Variants in GPN2 observed in about 807,000 individuals in gnomAD.
GPN2 encodes GPN-loop GTPase 2, also known as ATP-binding domain 1 family member B.
GPN2 carries 27 observed loss-of-function variants against 30.1 expected under a neutral mutation model. That is an observed-to-expected ratio of 0.90 (90% CI 0.66 to 1.24). The LOEUF is 1.24. Ranked by LOEUF, GPN2 falls within the 50% of genes most tolerant of loss-of-function variation. The probability of loss-of-function intolerance (pLI) is 0.00; values close to 1 mark genes in which losing one functional copy is unlikely to be tolerated. For missense variants in GPN2, 406 were observed against 405.4 expected (o/e 1.00, Z -0.01); for synonymous variants, 212 against 174.4 (o/e 1.22, Z -1.70).
At chr1:26,889,566 C>A in intron 1 of GPN2, 120 bp downstream of exon 1, 1 of 909,258 alleles carries the variant, frequency 1.1e-6, no homozygotes, top group Non-Finnish European at 1.7e-6. Context: ...TGAACTCATG[C>A]CTGTTTTACT....
chr1:26,886,325 G>T (rs907284035), intron 2 of GPN2, 192 bp from the exon 3 acceptor site: 3 of 615,084 alleles, frequency 4.9e-6, no homozygotes, highest in Non-Finnish European at 8.9e-6. Context: ...ATATAGGCAG[G>T]TATCTACTTC....
chr1:26,886,408 C>T, intron 2 of GPN2: 1 of 509,516 alleles, frequency 2.0e-6, no homozygotes. Flanking sequence ...TCAATAACTG[C>T]AAACAGGCTG....
Position 26,878,440 on chromosome 1 carries a change from C to G in GPN2, c.*1237G>C, listed in dbSNP as rs917315850. On this transcript the variant is annotated 3_prime_UTR_variant, in exon 5 of 5. Transcript: ENST00000374135. ...GGGATTATAGGCGTGCAACACCATG[C>G]CCAGCTAATTTTTATGTTTTTAGTA... is the stretch of plus-strand genomic sequence containing the variant. The G allele has an allele frequency of 6.6e-6, 1 of 152,016 alleles. No individual in the cohort carries two copies. The highest frequency in any genetic ancestry group is 1.9e-4 in the East Asian group (1 of 5,144). 9.4% of individuals were successfully genotyped at this position (152,016 alleles called of 1,614,324 possible).
chr1:26,888,752 G>C (rs919007600), intron 2 of GPN2: 1 of 590,676 alleles, frequency 1.7e-6, no homozygotes, highest in Non-Finnish European at 3.1e-6. Context: ...TAATTCCTTT[G>C]TAACACCTAA....
intron 1 of GPN2, 62 bp from the exon 2 acceptor site, chr1:26,889,187 A>AGG: frequency 6.9e-6 from 9 of 1,303,654 alleles, no homozygotes; most frequent in East Asian, 2.3e-5. Context: ...TTCCCTCATG[A>AGG]GAATGAGGGC....
chr1:26,886,076 A>T lies in GPN2; in HGVS notation c.626T>A (p.Leu209Gln), dbSNP rs774018024. The change falls in exon 3 of 5, where the codon CTG becomes CAG. Residue 209 changes from leucine to glutamine, a missense_variant. Transcript: ENST00000374135. The stretch of plus-strand genomic sequence containing the variant: ...GTGGCGGAAGAAAGGGTCAGAAGCC[A>T]GGTGGTCAAGCAGGTAGGAGAGGTC... ...VLDLSYLLDH[L>Q]ASDPFFRHYR... 4 of 1,613,486 alleles carry T rather than the reference A, an allele frequency of 2.5e-6. No individual in the cohort carries two copies. The highest frequency in any genetic ancestry group is 3.4e-6 in the Non-Finnish European group (4 of 1,179,412).
At chr1:26,880,072 G>A (rs2081856862) in intron 4 of GPN2, among the ~76,000 whole-genome samples, 1 of 152,178 alleles carries the variant, frequency 6.6e-6, no homozygotes, top group Admixed American at 6.5e-5. Flanking sequence ...ACGAGGACAT[G>A]GAGGTTAGCC....
chr1:26,886,003 G>A lies in GPN2; in HGVS notation c.699C>T (p.Ser233=). ...TGTTGAGAGGGATAAAGGAGACAAG[G>A]CTATAGTCTTCGATGAGCTGCACTA... is the stretch of plus-strand genomic sequence containing the variant. ...EKLVQLIEDY[S]LVSFIPLNIQ... Residue 233 remains serine (S), a synonymous_variant, in exon 3 of 5, where the codon AGC becomes AGT. Transcript: ENST00000374135. 2.5e-6 allele frequency: 4 copies of A among 1,613,390 alleles called. No individual in the cohort carries two copies. Among genetic ancestry groups the A allele is most frequent in the Non-Finnish European group, 3.4e-6 (4 of 1,179,426 alleles).
At chr1:26,887,053 T>G (rs1199217182) in intron 2 of GPN2, among the ~76,000 whole-genome samples, 1 of 150,380 alleles carries the variant, frequency 6.6e-6, no homozygotes, top group African/African-American at 2.4e-5. Context: ...CCAAGAACTG[T>G]GCATGGTCGT....
Position 26,877,099 on chromosome 1 carries a change from T to C in GPN2, c.*2578A>G, listed in dbSNP as rs2081840986. On this transcript the variant is annotated 3_prime_UTR_variant, in exon 5 of 5. Transcript: ENST00000374135. ...CTAGGCCCCACAGGTGATTCACAGC[T>C]AGCCCCAGGCTGTGCCTCCTGGCCT... 6.6e-6 allele frequency: 1 copy of C among 152,312 alleles called. No individual in the cohort carries two copies. The highest frequency in any genetic ancestry group is 1.5e-5 in the Non-Finnish European group (1 of 68,118). 9.4% of individuals were successfully genotyped at this position (152,312 alleles called of 1,614,324 possible).
intron 4 of GPN2, among the ~76,000 whole-genome samples, chr1:26,883,856 C>G (rs984009279): frequency 6.6e-6 from 1 of 150,468 alleles, no homozygotes; most frequent in African/African-American, 2.4e-5. Flanking sequence ...CTGGCCAACA[C>G]AGTGAAACCC....
chr1:26,883,950 G>A (rs777723112), intron 4 of GPN2, among the ~76,000 whole-genome samples: 7 of 151,204 alleles, frequency 4.6e-5, no homozygotes, highest in African/African-American at 1.5e-4. Flanking sequence ...TGGGGCAGGA[G>A]AGTGGCGTGA....
chr1:26,879,813 T>C (rs1295666587), intron 4 of GPN2, 64 bp from the exon 5 acceptor site: 2 of 1,103,966 alleles, frequency 1.8e-6, no homozygotes, highest in African/African-American at 3.1e-5. Context: ...CTGGGCAGGA[T>C]CTGACTTCCG....
chr1:26,883,325 C>T (rs1468491855), intron 4 of GPN2, among the ~76,000 whole-genome samples: 2 of 152,236 alleles, frequency 1.3e-5, no homozygotes, highest in Non-Finnish European at 2.9e-5. Flanking sequence ...AACTGGACTC[C>T]TGCATCTCTC....
intron 2 of GPN2, chr1:26,886,349 G>A (rs2081891065): frequency 1.6e-6 from 1 of 608,952 alleles, no homozygotes; most frequent in South Asian, 1.6e-5. Context: ...GGACTGTTAT[G>A]AAGATTAAAT....
At position 26,890,044 on chromosome 1, in the gene GPN2, G is replaced by T; in HGVS notation, c.53C>A (p.Pro18Gln). ...TAFGQAVIGP[P>Q]GSGKTTYCLG... ...GCAGTACGTGGTCTTCCCTGAGCCC[G>T]GCGGGCCGATCACCGCCTGCCCGAA... The change falls in exon 1 of 5, where the codon CCG (proline) becomes CAG (glutamine). Residue 18 changes from proline to glutamine, a missense_variant. Physicochemically the swap from Pro to Gln is moderately conservative, Grantham distance 76. Coordinates refer to ENST00000374135, the MANE Select transcript of GPN2 (RefSeq NM_018066.4). 6.3e-7 allele frequency: 1 copy of T among 1,586,918 alleles called. No individual in the cohort carries two copies. The highest frequency in any genetic ancestry group is 8.5e-7 in the Non-Finnish European group (1 of 1,172,838).
intron 1 of GPN2, 54 bp from the exon 2 acceptor site, chr1:26,889,179 C>T (rs114478878): frequency 1.2e-4 from 175 of 1,421,828 alleles, no homozygotes; most frequent in Middle Eastern, 2.2e-4. Context: ...GATCAGCATT[C>T]CCTCATGAGA....
chr1:26,886,243 T>C, intron 2 of GPN2, 110 bp from the exon 3 acceptor site: 1 of 706,330 alleles, frequency 1.4e-6, no homozygotes, highest in African/African-American at 1.8e-5. Context: ...AAATATTTCT[T>C]GACACAGTAA....
Position 26,889,051 on chromosome 1 carries a change from G to C in GPN2, c.486C>G (p.Ser162=). 6.2e-7 allele frequency: 1 copy of C among 1,613,988 alleles called. No individual in the cohort carries two copies. Among genetic ancestry groups the C allele is most frequent in the Non-Finnish European group, 8.5e-7 (1 of 1,179,820 alleles). The change falls in exon 2 of 5, where the codon TCC becomes TCG. Residue 162 remains serine (S), a synonymous_variant. Transcript: ENST00000374135. ...GTTCCACGTGCAGCATGGTGGCCAG[G>C]GAGGTACACAGTACTGAAATGAACT... is the stretch of plus-strand genomic sequence containing the variant. The part of the protein sequence containing the change: ...PAKFISVLCT[S]LATMLHVELP...
Sources: allele counts gnomAD v4.1 joint callset (sites outside exome capture counted in the v4.1 genomes callset), GRCh38; gene constraint gnomAD v4.1.1; transcripts MANE v1.5; gene names NCBI Gene and HGNC (gene_info 2026-07-23, HGNC 2026-07-21).